The following C12orf42 variants were observed in gnomAD, a reference collection of about 807,000 sequenced individuals.
C12orf42 encodes uncharacterized protein C12orf42.
A neutral mutation model predicts 21.6 loss-of-function variants in C12orf42; 25 were observed. That is an observed-to-expected ratio of 1.16 (90% confidence interval 0.84 to 1.62). The LOEUF (loss-of-function observed/expected upper bound fraction) is 1.62, where lower values mean the gene tolerates loss of function less well. Ranked by LOEUF, C12orf42 falls within the 40% of genes most tolerant of loss-of-function variation. The probability of loss-of-function intolerance (pLI) is 0.00; values close to 1 mark genes in which losing one functional copy is unlikely to be tolerated. For missense variants in C12orf42, 483 were observed against 459.3 expected (o/e 1.05, Z -0.47); for synonymous variants, 174 against 175.0 (o/e 0.99, Z 0.05).
intron 10 of C12orf42, among the ~76,000 whole-genome samples, chr12:103,250,339 G>T (rs749810577): frequency 9.2e-5 from 14 of 151,840 alleles, no homozygotes; most frequent in African/African-American, 3.1e-4. Context: ...GTTGCAAGAC[G>T]GCTTCCACAG....
intron 10 of C12orf42, among the ~76,000 whole-genome samples, chr12:103,246,724 A>G (rs1409967673): frequency 6.6e-6 from 1 of 152,106 alleles, no homozygotes. Flanking sequence ...TTTGTGGCCC[A>G]ACAGATGGAG....
intron 4 of C12orf42, among the ~76,000 whole-genome samples, chr12:103,311,062 T>G (rs189626765): frequency 6.6e-4 from 101 of 152,268 alleles, no homozygotes; most frequent in African/African-American, 2.3e-3. Flanking sequence ...CCCCACCAAC[T>G]TCAATATCCA....
the C12orf42 span, among the ~76,000 whole-genome samples, chr12:103,143,935 G>A: frequency 6.6e-6 from 1 of 151,982 alleles, no homozygotes; most frequent in African/African-American, 2.4e-5. Context: ...ACTATACTAC[G>A]ACTGCTGCTA....
intron 10 of C12orf42, among the ~76,000 whole-genome samples, chr12:103,259,641 C>T (rs1028910178): frequency 3.9e-5 from 6 of 152,122 alleles, no homozygotes; most frequent in Middle Eastern, 3.2e-3. Flanking sequence ...TTTAACTATT[C>T]GTAAGACAGT....
chr12:103,287,711 A>T (rs968729656), intron 4 of C12orf42, among the ~76,000 whole-genome samples: 10 of 151,674 alleles, frequency 6.6e-5, no homozygotes, highest in South Asian at 2.1e-4. Flanking sequence ...ATAATAATAA[A>T]AAAAAAAAAC....
chr12:103,507,183 T>C, the C12orf42 span, among the ~76,000 whole-genome samples: 1 of 27,560 alleles, frequency 3.6e-5, no homozygotes, highest in Non-Finnish European at 4.7e-5. Context: ...TTATATTATA[T>C]ATAATATATA....
intron 2 of C12orf42, among the ~76,000 whole-genome samples, chr12:103,432,013 T>C (rs1349214865): frequency 2.0e-5 from 3 of 152,178 alleles, no homozygotes; most frequent in African/African-American, 7.2e-5. Context: ...AGTGCACAGT[T>C]TGACTTTCAA....
the C12orf42 span, among the ~76,000 whole-genome samples, chr12:103,142,384 A>C: frequency 0.31 from 46,666 of 152,068 alleles, 7,609 homozygotes; most frequent in East Asian, 0.46. Flanking sequence ...AACAGAACAG[A>C]ACAAAGAACA....
chr12:103,318,193 G>C lies in C12orf42; in HGVS notation c.260-11848C>G, dbSNP rs571097264. ...AGTCTTAGCTACTCCAGAGGTTGAG[G>C]TAGGAAGACTACTTGAGTATGGGAG... On this transcript the variant is annotated intron_variant, in intron 4 of 5. Transcript: ENST00000548883. 2.0e-5 allele frequency among the ~76,000 whole-genome samples: 3 copies of C among 152,158 alleles called. No homozygotes were observed. In the South Asian group the frequency reaches 6.2e-4, roughly 32 times the overall value.
chr12:103,077,485 C>T, the C12orf42 span, among the ~76,000 whole-genome samples: 9 of 152,204 alleles, frequency 5.9e-5, no homozygotes, highest in African/African-American at 2.2e-4. Flanking sequence ...AAATAACTTG[C>T]CCAAAATCAC....
chr12:103,168,078 G>T, the C12orf42 span: 1 of 455,844 alleles, frequency 2.2e-6, no homozygotes, highest in Non-Finnish European at 4.4e-6. Context: ...TTACATTATT[G>T]TGGATACTTT....
the C12orf42 span, among the ~76,000 whole-genome samples, chr12:103,165,213 A>G: frequency 1.3e-5 from 2 of 152,214 alleles, no homozygotes; most frequent in Non-Finnish European, 2.9e-5. Context: ...TCAGAACTCA[A>G]GAAGCATCAA....
chr12:103,102,789 T>A, the C12orf42 span, among the ~76,000 whole-genome samples: 6 of 152,112 alleles, frequency 3.9e-5, no homozygotes, highest in Admixed American at 1.3e-4. Context: ...CTACTCAGGG[T>A]CTCATGAGGA....
chr12:103,126,935 A>T, the C12orf42 span, among the ~76,000 whole-genome samples: 1 of 152,226 alleles, frequency 6.6e-6, no homozygotes, highest in Non-Finnish European at 1.5e-5. Flanking sequence ...ACAATTCCTA[A>T]AATAAGAAAT....
chr12:103,227,275 G>T, the C12orf42 span, among the ~76,000 whole-genome samples: 1 of 151,978 alleles, frequency 6.6e-6, no homozygotes, highest in Non-Finnish European at 1.5e-5. Context: ...AAGAGGTCGG[G>T]GCGTGGAAAT....
At chr12:103,499,718 C>A (rs568623239), upstream of C12orf42, among the ~76,000 whole-genome samples, 1 of 152,178 alleles carries the variant, frequency 6.6e-6, no homozygotes, top group Admixed American at 6.5e-5. Flanking sequence ...CAGGGATATG[C>A]CCCCTGCCCA....
intron 4 of C12orf42, among the ~76,000 whole-genome samples, chr12:103,350,917 C>CT (rs920774960): frequency 2.8e-4 from 43 of 151,634 alleles, no homozygotes; most frequent in African/African-American, 9.9e-4. Flanking sequence ...ATTACTGAGA[C>CT]TTTTTTTTTC....
At chr12:103,225,746 T>G in the C12orf42 span, among the ~76,000 whole-genome samples, 1 of 152,138 alleles carries the variant, frequency 6.6e-6, no homozygotes, top group Admixed American at 6.5e-5. Flanking sequence ...TTAAGAGGTT[T>G]AGAAGCCTGA....
downstream of C12orf42, chr12:103,301,889 G>C (rs2037673981): frequency 3.6e-6 from 2 of 558,658 alleles, no homozygotes; most frequent in Admixed American, 7.4e-5. Flanking sequence ...TGTAACACTG[G>C]GAGACACCGC....
Sources: gnomAD v4.1 joint callset for allele counts (sites outside exome capture counted in the v4.1 genomes callset) on GRCh38, gnomAD v4.1.1 for gene constraint, MANE v1.5 for transcripts, NCBI Gene and HGNC (gene_info 2026-07-23, HGNC 2026-07-21) for gene names.